The following VPS13D variants were observed in gnomAD, a reference collection of about 807,000 sequenced individuals.
VPS13D encodes vacuolar protein sorting 13 homolog D.
In VPS13D, 187 loss-of-function variants were observed where a neutral mutation model predicts 461.9. The observed-to-expected ratio is 0.40, with a 90% CI of 0.36 to 0.46. The LOEUF is 0.46. VPS13D is among the 20% of genes least tolerant of loss of function. VPS13D has a pLI of 0.60. For synonymous variants in VPS13D, 1,951 were observed against 1,986.3 expected (o/e 0.98, Z 0.47); for missense variants, 4,711 against 5,364.9 (o/e 0.88, Z 3.81).
rs769172017 is a variant in VPS13D at position 12,378,534 on chromosome 1, C to T, written c.11024C>T (p.Ser3675Phe). ...CCCAATAAGCCCTCAGCCGCCCGCT[C>T]CACCGAGGGGTCTGCCATCTTAGAT... is the stretch of plus-strand genomic sequence containing the variant. Reference protein sequence around the residue: ...HNPNKPSAARSTEGSAILDIA... With the variant: ...HNPNKPSAARFTEGSAILDIA... The change falls in exon 56 of 70, where the codon TCC becomes TTC. Residue 3675 changes from serine (S) to phenylalanine (F), a missense_variant. By Grantham distance (155) the Ser-to-Phe change is radical. This residue lies in a region of VPS13D where 4,411 missense variants were observed against 4,937.8 expected (regional missense o/e 0.89). Transcript: ENST00000620676. 1.2e-6 allele frequency: 2 copies of T among 1,611,990 alleles called. No homozygotes were observed. Among genetic ancestry groups the T allele is most frequent in the African/African-American group, 1.3e-5 (1 of 74,906 alleles).
Position 12,502,346 on chromosome 1 carries a change from G to A in VPS13D, c.12795-4507G>A, listed in dbSNP as rs1188304918. Among the ~76,000 whole-genome samples, 1 of 152,188 alleles carries A rather than the reference G, an allele frequency of 6.6e-6. No homozygotes were observed. The highest frequency in any genetic ancestry group is 1.5e-5 in the Non-Finnish European group (1 of 68,030). ...ACTGCTAAATTGGAATCTGAGTGAG[G>A]AGGAGGGTTGAGAGTGGCTTCGGGC... On this transcript the variant is annotated intron_variant, in intron 68 of 69. Coordinates refer to ENST00000620676, the MANE Select transcript of VPS13D (RefSeq NM_015378.4). This position sits in a 1 kb window ranked among gnomAD's most constrained non-coding sequence, Gnocchi z 4.3.
chr1:12,327,735 C>T lies in VPS13D; in HGVS notation c.8078C>T (p.Pro2693Leu), dbSNP rs1643228088. Residue 2693 changes from proline to leucine, a missense_variant, in exon 36 of 70, where the codon CCA (proline) becomes CTA (leucine). Pro to Leu is a moderately conservative substitution (Grantham distance 98). Coordinates refer to ENST00000620676, the MANE Select transcript of VPS13D (RefSeq NM_015378.4). ...TTGGCCTCCACCAGCCGAGATAGCCCAGGGGCTGTGGCAGCGCCATTGATC... is the reference window on the plus strand; with the variant it reads ...TTGGCCTCCACCAGCCGAGATAGCCTAGGGGCTGTGGCAGCGCCATTGATC... ...LSLASTSRDS[P>L]GAVAAPLISG... The T allele has an allele frequency of 3.1e-6, 5 of 1,614,140 alleles. No individual in the cohort carries two copies. The highest frequency in any genetic ancestry group is 1.3e-5 in the African/African-American group (1 of 75,004).
chr1:12,469,386 C>A (rs1324875647), intron 67 of VPS13D, among the ~76,000 whole-genome samples: 1 of 152,160 alleles, frequency 6.6e-6, no homozygotes, highest in Non-Finnish European at 1.5e-5. Context: ...AACAGATTGA[C>A]TGTAGAAGCA....
intron 65 of VPS13D, among the ~76,000 whole-genome samples, chr1:12,417,857 G>T (rs534554644): frequency 6.6e-6 from 1 of 152,270 alleles, no homozygotes; most frequent in East Asian, 1.9e-4. Context: ...CCAGACTAAA[G>T]TGTACTGTTT....
chr1:12,477,940 A>G (rs1645655464), intron 67 of VPS13D, among the ~76,000 whole-genome samples: 1 of 152,168 alleles, frequency 6.6e-6, no homozygotes, highest in Non-Finnish European at 1.5e-5. Context: ...CTTGCCTCCC[A>G]TGGCACCCCA....
At chr1:12,401,241 C>A (rs1644575985) in intron 61 of VPS13D, among the ~76,000 whole-genome samples, 2 of 152,084 alleles carry the variant, frequency 1.3e-5, no homozygotes, top group African/African-American at 4.8e-5. Context: ...CTGATGGGAC[C>A]AAGCCTGCCT....
At chr1:12,349,475 A>C (rs1643749712) in intron 46 of VPS13D, 101 bp downstream of exon 46, 2 of 1,129,770 alleles carry the variant, frequency 1.8e-6, no homozygotes, top group South Asian at 3.0e-5. Context: ...AGATTCAGTT[A>C]TCTTTATTTA....
intron 65 of VPS13D, among the ~76,000 whole-genome samples, chr1:12,441,122 C>T (rs1030834701): frequency 8.6e-5 from 13 of 152,008 alleles, no homozygotes; most frequent in South Asian, 2.1e-4. Flanking sequence ...GACGGGGTTT[C>T]GCCATGTTGA....
intron 13 of VPS13D, among the ~76,000 whole-genome samples, chr1:12,263,087 T>C (rs911606447): frequency 2.0e-5 from 3 of 152,188 alleles, no homozygotes; most frequent in African/African-American, 7.2e-5. Context: ...TTTATTAACA[T>C]TGAACTCATG....
At chr1:12,408,565 A>G (rs952282989) in intron 63 of VPS13D, among the ~76,000 whole-genome samples, 5 of 152,128 alleles carry the variant, frequency 3.3e-5, no homozygotes, top group Non-Finnish European at 5.9e-5. Flanking sequence ...GAGTTTTACC[A>G]TGTTGCCCAG....
At chr1:12,452,937 C>T (rs561616519) in intron 65 of VPS13D, among the ~76,000 whole-genome samples, 1 of 152,298 alleles carries the variant, frequency 6.6e-6, no homozygotes, top group South Asian at 2.1e-4. Context: ...GACAGAGAAA[C>T]AGGAATTCAG....
intron 67 of VPS13D, among the ~76,000 whole-genome samples, chr1:12,467,235 A>C (rs1277335593): frequency 1.3e-5 from 2 of 152,166 alleles, no homozygotes; most frequent in Non-Finnish European, 2.9e-5. Flanking sequence ...GCAGTGGCAC[A>C]ACCTCGGCTC....
chr1:12,395,239 A>ATGT (rs1357779591), intron 60 of VPS13D, among the ~76,000 whole-genome samples: 1 of 152,178 alleles, frequency 6.6e-6, no homozygotes, highest in African/African-American at 2.4e-5. Context: ...GGTTGAGGAG[A>ATGT]TGTTGCCACT....
intron 1 of VPS13D, among the ~76,000 whole-genome samples, chr1:12,232,180 G>T: frequency 6.6e-6 from 1 of 151,926 alleles, no homozygotes; most frequent in East Asian, 1.9e-4. Context: ...GAAAGAAATT[G>T]GTCAAATATT....
chr1:12,383,452 TTAA>T (rs200473328), intron 58 of VPS13D, among the ~76,000 whole-genome samples: 3,298 of 152,322 alleles, frequency 0.022, 62 homozygotes, highest in African/African-American at 0.038. Context: ...TTAATTATTA[TTAA>T]TAACATAATA....
intron 18 of VPS13D, among the ~76,000 whole-genome samples, chr1:12,273,836 A>C (rs1366040639): frequency 6.6e-6 from 1 of 152,030 alleles, no homozygotes; most frequent in Non-Finnish European, 1.5e-5. Flanking sequence ...CTCTTTTGCT[A>C]TTAGGCATAT....
chr1:12,314,190 T>C lies in VPS13D; in HGVS notation c.7011T>C (p.His2337=). The C allele has an allele frequency of 6.2e-7, 1 of 1,614,216 alleles. No individual in the cohort carries two copies. Among genetic ancestry groups the C allele is most frequent in the Non-Finnish European group, 8.5e-7 (1 of 1,180,032 alleles). ...CCAAGTCCATTAACTTGGTTTCCCATTCCATGATGGCTTTTGACACCCGTT... is the reference window on the plus strand; with the variant it reads ...CCAAGTCCATTAACTTGGTTTCCCACTCCATGATGGCTTTTGACACCCGTT... The part of the protein sequence containing the change: ...NQTKSINLVS[H]SMMAFDTRYA... Residue 2337 remains histidine (H), a synonymous_variant, in exon 30 of 70, where the codon CAT becomes CAC. Transcript: ENST00000620676.
At chr1:12,377,245 A>C (rs561146294) in intron 55 of VPS13D, among the ~76,000 whole-genome samples, 1 of 151,538 alleles carries the variant, frequency 6.6e-6, no homozygotes, top group East Asian at 2.0e-4. Context: ...TTTTTAGTAG[A>C]GACGGGGTTT....
chr1:12,308,713 A>G, intron 27 of VPS13D, 72 bp downstream of exon 27: 2 of 1,459,730 alleles, frequency 1.4e-6, no homozygotes, highest in South Asian at 1.2e-5. Context: ...GCAGTGGCGC[A>G]ATCTTGGCTC....
Sources: allele counts gnomAD v4.1 joint callset (sites outside exome capture counted in the v4.1 genomes callset), GRCh38; gene constraint gnomAD v4.1.1; regional missense constraint gnomAD v4.1.1; non-coding constraint Gnocchi (gnomAD v3.1); transcripts MANE v1.5; gene names NCBI Gene and HGNC (gene_info 2026-07-23, HGNC 2026-07-21).